The following FBXO10 variants were observed in gnomAD, a reference collection of about 807,000 sequenced individuals.
FBXO10 encodes F-box only protein 10.
Under a neutral mutation model 80.7 loss-of-function variants are expected in FBXO10, and 39 were observed. The ratio of observed to expected loss-of-function variants is 0.48; its 90% CI spans 0.37 to 0.63. The LOEUF (loss-of-function observed/expected upper bound fraction) is 0.63. Among genes scored for constraint, FBXO10 ranks in the 30% least tolerant of loss-of-function variants. The probability of loss-of-function intolerance (pLI) is 0.00; values close to 1 mark genes in which losing one functional copy is unlikely to be tolerated. For synonymous variants in FBXO10, 449 were observed against 489.6 expected, an observed-to-expected ratio of 0.92 and a Z score of 1.09; for missense variants, 1,025 against 1,269.0, an observed-to-expected ratio of 0.81 and a Z score of 2.92.
chr9:37,553,490 C>T (rs1389487615), intron 1 of FBXO10, among the ~76,000 whole-genome samples: 1 of 152,108 alleles, frequency 6.6e-6, no homozygotes, highest in African/African-American at 2.4e-5. Context: ...ACCCCTGTAC[C>T]CTCTGATAGC....
intron 2 of FBXO10, among the ~76,000 whole-genome samples, chr9:37,539,703 C>T (rs1821865737): frequency 6.6e-6 from 1 of 152,214 alleles, no homozygotes; most frequent in Non-Finnish European, 1.5e-5. Context: ...GGCTAAAACA[C>T]AAGCTTTTAA....
At chr9:37,540,750 G>C (rs1184380938) in intron 2 of FBXO10, among the ~76,000 whole-genome samples, 1 of 152,176 alleles carries the variant, frequency 6.6e-6, no homozygotes, top group Non-Finnish European at 1.5e-5. Flanking sequence ...CACAGGGTGG[G>C]GTTCATGTGC....
intron 1 of FBXO10, among the ~76,000 whole-genome samples, chr9:37,575,257 G>A (rs993723655): frequency 1.3e-5 from 2 of 152,048 alleles, no homozygotes; most frequent in African/African-American, 4.8e-5. Flanking sequence ...GGAACAACAG[G>A]TTCATATGCC....
intron 1 of FBXO10, among the ~76,000 whole-genome samples, chr9:37,551,211 TG>T (rs1157208337): frequency 6.6e-6 from 1 of 152,240 alleles, no homozygotes; most frequent in African/African-American, 2.4e-5. Flanking sequence ...CACAACGTGT[TG>T]GGGGCTGGGT....
At chr9:37,531,815 C>G in intron 4 of FBXO10, 94 bp downstream of exon 4, 1 of 1,419,720 alleles carries the variant, frequency 7.0e-7, no homozygotes, top group Non-Finnish European at 9.8e-7. Context: ...ACAGGAAGCA[C>G]GTAAATACAA....
At chr9:37,538,887 G>A (rs1348479673) in intron 2 of FBXO10, among the ~76,000 whole-genome samples, 7 of 152,078 alleles carry the variant, frequency 4.6e-5, no homozygotes, top group Non-Finnish European at 1.0e-4. Flanking sequence ...ATCATCTGGG[G>A]TCAGGGACAC....
intron 4 of FBXO10, 49 bp from the exon 5 acceptor site, chr9:37,529,309 G>A (rs758105237): frequency 1.2e-5 from 19 of 1,567,642 alleles, no homozygotes; most frequent in East Asian, 2.4e-5. Flanking sequence ...ACACGTCAGC[G>A]AAGCAGAGTG....
Position 37,521,566 on chromosome 9 carries a change from C to G in FBXO10, c.2200+3G>C. 6.3e-7 allele frequency: 1 copy of G among 1,593,688 alleles called. No individual in the cohort carries two copies. Among genetic ancestry groups the G allele is most frequent in the Non-Finnish European group, 8.6e-7 (1 of 1,166,140 alleles). On this transcript the variant is annotated splice_donor_region_variant and intron_variant, in intron 8 of 10. Coordinates refer to ENST00000432825, the MANE Select transcript of FBXO10 (RefSeq NM_012166.3). Reference sequence around the variant, plus strand: ...TGAGCAGGGGCTGAGGGGGTATACTCACCTCCATTGTGATTAATACTGTTA... The same window carrying G: ...TGAGCAGGGGCTGAGGGGGTATACTGACCTCCATTGTGATTAATACTGTTA...
rs532904881 is a variant in FBXO10, at chr9:37,515,925, T to C, written c.2675A>G (p.Lys892Arg). ...TCACTTTTTCTTGAAGACCAGGAAC[T>C]TGTTGTTTTGCATGATGCATTCTCG... ...NNRECIMQNNKFLVFKKKSDT... is the reference protein window; with the variant it reads ...NNRECIMQNNRFLVFKKKSDT... Residue 892 changes from lysine to arginine, a missense_variant, in exon 10 of 11, where the codon AAG (lysine) becomes AGG (arginine). This residue lies in a region of FBXO10 where 97 missense variants were observed against 101.8 expected (regional missense o/e 0.95). Transcript: ENST00000432825. 2 of 1,613,748 alleles carry C rather than the reference T, an allele frequency of 1.2e-6. No individual in the cohort carries two copies. Among genetic ancestry groups the C allele is most frequent in the African/African-American group, 2.7e-5 (2 of 75,022 alleles).
intron 2 of FBXO10, among the ~76,000 whole-genome samples, chr9:37,539,664 A>G (rs760057139): frequency 6.6e-5 from 10 of 152,266 alleles, no homozygotes; most frequent in Non-Finnish European, 1.0e-4. Context: ...GCACCAGAGA[A>G]GTTCATCAGT....
chr9:37,528,489 C>T (rs990104852), intron 5 of FBXO10, among the ~76,000 whole-genome samples: 3 of 152,214 alleles, frequency 2.0e-5, no homozygotes, highest in African/African-American at 7.2e-5. Context: ...CGACCCCTCC[C>T]TACCCCTATC....
intron 1 of FBXO10, among the ~76,000 whole-genome samples, chr9:37,553,824 G>A (rs552344586): frequency 1.3e-5 from 2 of 148,328 alleles, no homozygotes; most frequent in South Asian, 2.1e-4. Flanking sequence ...GCTGAGGCAG[G>A]AGAATCGCTT....
chr9:37,563,597 G>A (rs112152709), intron 1 of FBXO10, among the ~76,000 whole-genome samples: 5,495 of 152,302 alleles, frequency 0.036, 328 homozygotes, highest in African/African-American at 0.12. Context: ...GGTGGTCTCA[G>A]ATGGAGATAA....
chr9:37,528,023 CA>C (rs1293355911), intron 5 of FBXO10, among the ~76,000 whole-genome samples: 1 of 152,178 alleles, frequency 6.6e-6, no homozygotes, highest in Non-Finnish European at 1.5e-5. Context: ...CATGCAACAA[CA>C]TGGAGACAAA....
intron 1 of FBXO10, among the ~76,000 whole-genome samples, chr9:37,553,170 T>C (rs1822248135): frequency 6.6e-6 from 1 of 151,876 alleles, no homozygotes. Flanking sequence ...GCCTCCCGAG[T>C]AGCTGGGACT....
chr9:37,564,993 A>T (rs1399044109), intron 1 of FBXO10, among the ~76,000 whole-genome samples: 1 of 152,254 alleles, frequency 6.6e-6, no homozygotes, highest in Non-Finnish European at 1.5e-5. Flanking sequence ...ATCTTGAATT[A>T]TAATTCCCAC....
intron 1 of FBXO10, among the ~76,000 whole-genome samples, chr9:37,545,398 C>T (rs965687156): frequency 3.9e-5 from 6 of 152,016 alleles, no homozygotes; most frequent in African/African-American, 1.4e-4. Context: ...AGGCTGGTGT[C>T]GAACTCCTAA....
intron 5 of FBXO10, among the ~76,000 whole-genome samples, chr9:37,528,563 C>T (rs1821533049): frequency 6.6e-6 from 1 of 152,162 alleles, no homozygotes; most frequent in African/African-American, 2.4e-5. Flanking sequence ...CTAAATGAGG[C>T]CTTCCCACAT....
chr9:37,568,322 C>T (rs1233765319), intron 1 of FBXO10, among the ~76,000 whole-genome samples: 1 of 152,008 alleles, frequency 6.6e-6, no homozygotes, highest in African/African-American at 2.4e-5. Context: ...CTCAGCTTCT[C>T]GGGTAGCTGG....
Sources: allele counts gnomAD v4.1 joint callset (sites outside exome capture counted in the v4.1 genomes callset), GRCh38; gene constraint gnomAD v4.1.1; regional missense constraint gnomAD v4.1.1; transcripts MANE v1.5; gene names NCBI Gene and HGNC (gene_info 2026-07-23, HGNC 2026-07-21).